COX10: variants seen among roughly 807,000 people sequenced by gnomAD.
The protein encoded by COX10 is protoheme IX farnesyltransferase, mitochondrial.
Under a neutral mutation model 37.3 loss-of-function variants are expected in COX10, and 27 were observed. That is an observed-to-expected ratio of 0.72 (90% confidence interval 0.53 to 1.00). The LOEUF (loss-of-function observed/expected upper bound fraction) is 1.00, where lower values mean the gene tolerates loss of function less well. COX10 is among the 50% of genes least tolerant of loss of function. The pLI, the probability that COX10 is intolerant of heterozygous loss-of-function variation, is 0.00. For synonymous variants in COX10, 222 were observed against 229.1 expected, an observed-to-expected ratio of 0.97 and a Z score of 0.28; for missense variants, 475 against 563.2, an observed-to-expected ratio of 0.84 and a Z score of 1.59.
chr17:14,178,837 A>G (rs1436341159), intron 5 of COX10, among the ~76,000 whole-genome samples: 1 of 152,044 alleles, frequency 6.6e-6, no homozygotes, highest in Non-Finnish European at 1.5e-5. Flanking sequence ...TGATTGCTCC[A>G]GCTTGGGCCT....
intron 4 of COX10, among the ~76,000 whole-genome samples, chr17:14,124,983 T>C (rs548263663): frequency 1.2e-3 from 186 of 152,350 alleles, no homozygotes; most frequent in African/African-American, 4.3e-3. Flanking sequence ...GTTTTCACTT[T>C]GGAGTGAAAT....
chr17:14,169,476 C>T (rs1394801791), intron 5 of COX10, among the ~76,000 whole-genome samples: 1 of 152,132 alleles, frequency 6.6e-6, no homozygotes, highest in East Asian at 1.9e-4. Context: ...GTAAGAGCAC[C>T]CCACTCCTGG....
intron 3 of COX10, among the ~76,000 whole-genome samples, chr17:14,081,509 T>G (rs1915295354): frequency 6.6e-6 from 1 of 152,172 alleles, no homozygotes; most frequent in South Asian, 2.1e-4. Context: ...TGTGGGCCCT[T>G]TTGTCATTTA....
At chr17:14,176,689 A>T (rs911185721) in intron 5 of COX10, among the ~76,000 whole-genome samples, 2 of 151,968 alleles carry the variant, frequency 1.3e-5, no homozygotes, top group African/African-American at 4.8e-5. Context: ...ATATAGTTTC[A>T]CCTTAGGGCT....
Position 14,102,121 on chromosome 17 carries a change from T to C in COX10, c.503T>C (p.Leu168Pro). The C allele has an allele frequency of 6.2e-7, 1 of 1,613,650 alleles. No homozygotes were observed. Among genetic ancestry groups the C allele is most frequent in the South Asian group, 1.1e-5 (1 of 91,076 alleles). The change falls in exon 4 of 7, where the codon CTG becomes CCG. Residue 168 changes from leucine to proline, a missense_variant. Leu to Pro is a moderately conservative substitution (Grantham distance 98). This residue lies in a region of COX10 where 242 missense variants were observed against 242.5 expected (regional missense o/e 1.00). Coordinates refer to ENST00000261643, the MANE Select transcript of COX10 (RefSeq NM_001303.4). The part of the protein sequence containing the change: ...ARLSKIKLTA[L>P]VVSTTAAGFA... ...CTGCTCTGTTTCTGTATCGCAGCTC[T>C]GGTTGTAAGTACCACTGCAGCTGGA...
chr17:14,075,833 TA>T (rs202124779), intron 2 of COX10, among the ~76,000 whole-genome samples: 4 of 149,676 alleles, frequency 2.7e-5, no homozygotes, highest in Admixed American at 6.7e-5. Context: ...TACTAAAAAG[TA>T]AAAAAAAATT....
At chr17:14,137,949 AG>A (rs1454304573) in intron 4 of COX10, among the ~76,000 whole-genome samples, 2 of 94,238 alleles carry the variant, frequency 2.1e-5, no homozygotes, top group African/African-American at 6.7e-5. Flanking sequence ...GACACAATTC[AG>A]TTTTTTTTTT....
At position 14,163,824 on chromosome 17, in the gene COX10, T is replaced by C. The variant is rs553663117; in HGVS notation, c.695+3877T>C. Among the ~76,000 whole-genome samples, 35 of 152,360 alleles carry C rather than the reference T, an allele frequency of 2.3e-4. No homozygotes were observed. The South Asian group carries it at 7.2e-3, about 32-fold the overall frequency. On this transcript the variant is annotated intron_variant, in intron 5 of 6. Coordinates refer to ENST00000261643, the MANE Select transcript of COX10 (RefSeq NM_001303.4). ...CTTTCATTTGTCTGATTTTCTTTTTTAGTTTTTTTCTTTCTCTCTTTTCAG... is the reference window on the plus strand; with the variant it reads ...CTTTCATTTGTCTGATTTTCTTTTTCAGTTTTTTTCTTTCTCTCTTTTCAG...
chr17:14,205,236 C>T (rs536918095), intron 6 of COX10, among the ~76,000 whole-genome samples: 2 of 152,268 alleles, frequency 1.3e-5, no homozygotes, highest in South Asian at 4.1e-4. Flanking sequence ...ACACCGCCCA[C>T]ACCTCAAACC....
intron 5 of COX10, among the ~76,000 whole-genome samples, chr17:14,164,604 C>G (rs1854714313): frequency 1.3e-5 from 2 of 152,070 alleles, no homozygotes; most frequent in African/African-American, 4.8e-5. Context: ...CAGATTTCAT[C>G]ATTTGGGATT....
Position 14,069,543 on chromosome 17 carries a change from C to T in COX10, c.-63C>T, listed in dbSNP as rs77877576. On this transcript the variant is annotated 5_prime_UTR_variant, in exon 1 of 7. Transcript: ENST00000261643. ...GGGGCGGGGAAGGAAGATGGCGGCGCCCAGCGTCCCGTGAGGAGAGAGGAC... is the reference window on the plus strand; with the variant it reads ...GGGGCGGGGAAGGAAGATGGCGGCGTCCAGCGTCCCGTGAGGAGAGAGGAC... 52,701 of 1,599,678 alleles carry T rather than the reference C, an allele frequency of 0.033. 1,083 individuals are homozygous for T. Among genetic ancestry groups the T allele is most frequent in the Middle Eastern group, 0.047 (261 of 5,498 alleles).
intron 3 of COX10, among the ~76,000 whole-genome samples, chr17:14,083,348 C>T (rs1441553135): frequency 6.6e-6 from 1 of 152,154 alleles, no homozygotes; most frequent in Non-Finnish European, 1.5e-5. Context: ...TTGGAGTCAG[C>T]AGGATTTTTT....
At chr17:14,175,158 A>C (rs60510907) in intron 5 of COX10, among the ~76,000 whole-genome samples, 3 of 124,488 alleles carry the variant, frequency 2.4e-5, no homozygotes, top group Admixed American at 8.9e-5. Flanking sequence ...ATAAATTTAT[A>C]TGTTCTATAT....
intron 4 of COX10, among the ~76,000 whole-genome samples, chr17:14,127,942 TG>T (rs1277309627): frequency 1.3e-5 from 2 of 151,456 alleles, no homozygotes; most frequent in African/African-American, 4.8e-5. Context: ...TGTGTGTGTG[TG>T]TGTGTGTGTG....
chr17:14,206,965 C>T lies in COX10; in HGVS notation c.1084C>T (p.Leu362=). The change falls in exon 7 of 7, where the codon CTG becomes TTG. Residue 362 remains leucine, a synonymous_variant. Transcript: ENST00000261643. ...CCGGCGCGTGGCGCTGCGCCACTGCCTGGCCCTGCTCGTGCTGTCCGCAGC... is the reference window on the plus strand; with the variant it reads ...CCGGCGCGTGGCGCTGCGCCACTGCTTGGCCCTGCTCGTGCTGTCCGCAGC... ...LCRRVALRHC[L]ALLVLSAAAP... is the part of the protein sequence containing the mutation. 1 of 1,614,044 alleles carries T rather than the reference C, an allele frequency of 6.2e-7. No homozygotes were observed. The highest frequency in any genetic ancestry group is 8.5e-7 in the Non-Finnish European group (1 of 1,179,932).
intron 6 of COX10, among the ~76,000 whole-genome samples, chr17:14,201,010 G>A (rs974182059): frequency 6.6e-6 from 1 of 152,182 alleles, no homozygotes; most frequent in African/African-American, 2.4e-5. Flanking sequence ...TTCCTGGCCA[G>A]ACACGAGCAG....
chr17:14,103,652 A>C (rs1449273228), intron 4 of COX10, among the ~76,000 whole-genome samples: 3 of 152,100 alleles, frequency 2.0e-5, no homozygotes, highest in Non-Finnish European at 4.4e-5. Flanking sequence ...CTCCCCTCTC[A>C]TCCCACCCCT....
At chr17:14,202,798 T>G (rs1040787255) in intron 6 of COX10, among the ~76,000 whole-genome samples, 1 of 150,714 alleles carries the variant, frequency 6.6e-6, no homozygotes, top group Non-Finnish European at 1.5e-5. Context: ...CTCCTTATCT[T>G]GATTTCCAGA....
chr17:14,184,059 T>C (rs1182999707), intron 5 of COX10, among the ~76,000 whole-genome samples: 1 of 152,184 alleles, frequency 6.6e-6, no homozygotes, highest in Non-Finnish European at 1.5e-5. Context: ...TTAAGACAAC[T>C]CTATAATACC....
Sources: allele counts gnomAD v4.1 joint callset (sites outside exome capture counted in the v4.1 genomes callset), GRCh38; gene constraint gnomAD v4.1.1; regional missense constraint gnomAD v4.1.1; transcripts MANE v1.5; gene names NCBI Gene and HGNC (gene_info 2026-07-23, HGNC 2026-07-21).